Variants in PLCH1 observed in about 807,000 individuals in gnomAD.
PLCH1 encodes phospholipase C eta 1, also known as 1-phosphatidylinositol 4,5-bisphosphate phosphodiesterase eta-1.
A neutral mutation model predicts 126.7 loss-of-function variants in PLCH1; 60 were observed. The observed-to-expected ratio is 0.47, with a 90% confidence interval of 0.38 to 0.59. PLCH1 has a LOEUF of 0.59. PLCH1 is among the 20% of genes least tolerant of loss of function. PLCH1 has a pLI of 0.00. For missense variants in PLCH1, 1,723 were observed against 2,040.0 expected, an observed-to-expected ratio of 0.84 and a Z score of 2.99; for synonymous variants, 719 against 734.9, an observed-to-expected ratio of 0.98 and a Z score of 0.35.
chr3:155,552,012 A>G (rs359546), intron 9 of PLCH1, among the ~76,000 whole-genome samples: 132,122 of 152,190 alleles, frequency 0.87, 58,012 homozygotes, highest in African/African-American at 0.97. Context: ...TCAGGGTTGT[A>G]AAGACCCATT....
intron 10 of PLCH1, among the ~76,000 whole-genome samples, chr3:155,527,517 G>A (rs1722116911): frequency 6.6e-6 from 1 of 152,278 alleles, no homozygotes; most frequent in South Asian, 2.1e-4. Flanking sequence ...TCAAAGCTGG[G>A]TAAATCATTT....
At chr3:155,614,321 AAG>A (rs1735507683) in intron 2 of PLCH1, among the ~76,000 whole-genome samples, 1 of 152,204 alleles carries the variant, frequency 6.6e-6, no homozygotes, top group Non-Finnish European at 1.5e-5. Context: ...GGAACCAAAA[AAG>A]AGCCCACATA....
In PLCH1 at chr3:155,543,610, C is replaced by T. The variant is rs193043227; in HGVS notation, c.1362+6177G>A. On this transcript the variant is annotated intron_variant, in intron 10 of 22. Coordinates refer to ENST00000460012, the MANE Select transcript of PLCH1 (RefSeq NM_014996.4). ...GTCAGATTCACCAAAGTTGAAATGA[C>T]GGAAAAAATGTTAAGGGCAGCCAGA... 3.2e-3 allele frequency among the ~76,000 whole-genome samples: 481 copies of T among 151,890 alleles called. 1 individual carries two copies. Among genetic ancestry groups the T allele is most frequent in the South Asian group, 0.022 (104 of 4,792 alleles).
At chr3:155,692,212 C>CGGA (rs1745441586) in intron 2 of PLCH1, among the ~76,000 whole-genome samples, 2 of 152,120 alleles carry the variant, frequency 1.3e-5, no homozygotes, top group African/African-American at 4.8e-5. Context: ...ATATGAAGGT[C>CGGA]AGCATATCAC....
chr3:155,727,679 A>G (rs1283311956), intron 1 of PLCH1, among the ~76,000 whole-genome samples: 1 of 152,118 alleles, frequency 6.6e-6, no homozygotes, highest in East Asian at 1.9e-4. Flanking sequence ...TGAGCCACCG[A>G]GCCCGGCCCA....
chr3:155,642,732 T>C (rs1189324697), intron 2 of PLCH1, among the ~76,000 whole-genome samples: 1 of 152,196 alleles, frequency 6.6e-6, no homozygotes, highest in Non-Finnish European at 1.5e-5. Flanking sequence ...TCATTTTGGA[T>C]TTAGGCTATG....
intron 10 of PLCH1, among the ~76,000 whole-genome samples, chr3:155,547,671 A>G (rs1328586340): frequency 6.6e-6 from 1 of 152,156 alleles, no homozygotes; most frequent in Non-Finnish European, 1.5e-5. Flanking sequence ...CTGGATTAAG[A>G]AAATGTGGCA....
intron 2 of PLCH1, among the ~76,000 whole-genome samples, chr3:155,626,354 G>A (rs999065778): frequency 5.9e-5 from 9 of 152,106 alleles, no homozygotes; most frequent in Non-Finnish European, 8.8e-5. Context: ...AATCACTATA[G>A]TCTATACAAT....
Position 155,672,237 on chromosome 3 carries a change from A to G in PLCH1, c.79+31909T>C, listed in dbSNP as rs957587009. On this transcript the variant is annotated intron_variant, in intron 2 of 22. Transcript: ENST00000460012. ...TGTAATTCCAACCAAAACCCCAACT[A>G]AGTGACTTCTGGAACTAGACAGGCA... Among the ~76,000 whole-genome samples the G allele has an allele frequency of 3.3e-5, 5 of 152,228 alleles. No individual in the cohort carries two copies. The South Asian group carries it at 1.0e-3, about 31-fold the overall frequency.
In PLCH1 at chr3:155,461,084, G is replaced by A. The variant is rs551287300; in HGVS notation, c.2938+24272C>T. 2.6e-5 allele frequency among the ~76,000 whole-genome samples: 4 copies of A among 152,304 alleles called. No homozygotes were observed. The East Asian group carries it at 5.8e-4, about 22-fold the overall frequency. On this transcript the variant is annotated intron_variant, in intron 21 of 21. Coordinates refer to the PLCH1 transcript ENST00000494598. ...ATCTTCACGGCCTTGCCCTGGGTCT[G>A]TGTTAATTCTACTGTCTATAATGGT...
Position 155,509,098 on chromosome 3 carries a change from G to A in PLCH1, c.1633-4472C>T, listed in dbSNP as rs1455880149. Among the ~76,000 whole-genome samples, 38 of 140,300 alleles carry A rather than the reference G, an allele frequency of 2.7e-4. 1 individual carries two copies. The highest frequency in any genetic ancestry group is 3.3e-4 in the Non-Finnish European group (22 of 65,812). The allele number at this position is 140,300 out of a possible 152,430, so 92.0% of individuals were successfully genotyped here. On this transcript the variant is annotated intron_variant, in intron 12 of 22. Transcript: ENST00000460012. The stretch of plus-strand genomic sequence containing the variant: ...TTAGTCTTGGGAGAGTGTATGTGTC[G>A]AGGAATGTATCCATTTCTTCTAGAT...
intron 5 of PLCH1, 53 bp downstream of exon 5, chr3:155,586,012 G>A (rs1731311767): frequency 6.6e-7 from 1 of 1,514,884 alleles, no homozygotes; most frequent in African/African-American, 1.4e-5. Context: ...ACCTAAGTAT[G>A]TTAATAACCT....
intron 2 of PLCH1, among the ~76,000 whole-genome samples, chr3:155,601,318 T>C (rs1341536552): frequency 1.3e-5 from 2 of 152,056 alleles, no homozygotes; most frequent in African/African-American, 2.4e-5. Flanking sequence ...ATAATTAAAG[T>C]CAATCCTTTC....
At position 155,676,956 on chromosome 3, in the gene PLCH1, G is replaced by C. The variant is rs146194695; in HGVS notation, c.79+27190C>G. Among the ~76,000 whole-genome samples the C allele has an allele frequency of 7.0e-3, 1,068 of 152,256 alleles. 6 individuals carry two copies. The highest frequency in any genetic ancestry group is 0.021 in the South Asian group (103 of 4,826). On this transcript the variant is annotated intron_variant, in intron 2 of 22. Transcript: ENST00000460012. ...TTATTATAGTGCAATTTTCCCTAAA[G>C]TCTATGTAAACATTATTTGCAACTT...
chr3:155,646,168 G>A (rs1740028077), intron 2 of PLCH1, among the ~76,000 whole-genome samples: 1 of 152,098 alleles, frequency 6.6e-6, no homozygotes, highest in African/African-American at 2.4e-5. Context: ...GTTCCTCCAG[G>A]ATCAACAAGG....
At chr3:155,451,092 C>T (rs1008874765) in intron 21 of PLCH1, among the ~76,000 whole-genome samples, 1 of 151,722 alleles carries the variant, frequency 6.6e-6, no homozygotes, top group Non-Finnish European at 1.5e-5. Context: ...TGGACTATAA[C>T]CCCCAAAATA....
chr3:155,687,842 C>T (rs925050548), intron 2 of PLCH1, among the ~76,000 whole-genome samples: 1 of 152,134 alleles, frequency 6.6e-6, no homozygotes, highest in Non-Finnish European at 1.5e-5. Context: ...GGTTAGCTTC[C>T]ACAACTAAAG....
At chr3:155,493,688 T>C (rs1716592308) in intron 17 of PLCH1, among the ~76,000 whole-genome samples, 1 of 152,204 alleles carries the variant, frequency 6.6e-6, no homozygotes, top group African/African-American at 2.4e-5. Context: ...GCCCAGCCTA[T>C]CCTTTCTCTT....
chr3:155,698,352 A>G (rs987952171), intron 2 of PLCH1, among the ~76,000 whole-genome samples: 3 of 152,248 alleles, frequency 2.0e-5, no homozygotes, highest in Non-Finnish European at 4.4e-5. Context: ...AGAAGAGTAT[A>G]TGTTCCCAAA....
Sources: gnomAD v4.1 joint callset for allele counts (sites outside exome capture counted in the v4.1 genomes callset) on GRCh38, gnomAD v4.1.1 for gene constraint, MANE v1.5 for transcripts, NCBI Gene and HGNC (gene_info 2026-07-23, HGNC 2026-07-21) for gene names.